The following RNF130 variants were observed in gnomAD, a reference collection of about 807,000 sequenced individuals.
RNF130 encodes E3 ubiquitin-protein ligase RNF130.
RNF130 carries 21 observed loss-of-function variants against 44.6 expected under a neutral mutation model. That is an observed-to-expected ratio of 0.47 (90% CI 0.33 to 0.68). The LOEUF is 0.68. Among genes scored for constraint, RNF130 ranks in the 30% least tolerant of loss-of-function variants. The pLI is 0.02. For synonymous variants in RNF130, 214 were observed against 210.4 expected (o/e 1.02, Z -0.15); for missense variants, 479 against 560.6 (o/e 0.85, Z 1.47).
At chr5:179,933,398 T>TTGTTTGTGTGTGTG (rs1554100040) in intron 7 of RNF130, among the ~76,000 whole-genome samples, 30 of 143,504 alleles carry the variant, frequency 2.1e-4, no homozygotes, top group African/African-American at 7.8e-4. Flanking sequence ...ATAACCCTAT[T>TTGTTTGTGTGTGTG]TGTGTGTGTG....
At position 180,044,839 on chromosome 5, in the gene RNF130, AAAAAT is replaced by A. The variant is rs546127301; in HGVS notation, c.248-4197_248-4193del. 4.3e-3 allele frequency among the ~76,000 whole-genome samples: 650 copies of A among 152,186 alleles called. 7 individuals carry two copies. Among genetic ancestry groups the A allele is most frequent in the African/African-American group, 0.015 (619 of 41,508 alleles). On this transcript the variant is annotated intron_variant, in intron 1 of 8. Transcript: ENST00000521389. ...GGAAGTAGACTCCGTCTCAAAAAAAAAAAATAAAAGCCTCCACATTCACTGAGGCA... is the reference window on the plus strand; with the variant it reads ...GGAAGTAGACTCCGTCTCAAAAAAAAAAAAGCCTCCACATTCACTGAGGCA...
chr5:180,004,016 A>G (rs1437352955), intron 3 of RNF130, among the ~76,000 whole-genome samples: 1 of 152,222 alleles, frequency 6.6e-6, no homozygotes, highest in Non-Finnish European at 1.5e-5. Flanking sequence ...GAAAAGAACT[A>G]TAATATCCCA....
At chr5:180,068,181 G>A (rs1028813204) in intron 1 of RNF130, among the ~76,000 whole-genome samples, 2 of 152,140 alleles carry the variant, frequency 1.3e-5, no homozygotes, top group African/African-American at 4.8e-5. Context: ...CCCCCACTCT[G>A]GGGCCAAACA....
intron 1 of RNF130, among the ~76,000 whole-genome samples, chr5:180,047,613 G>GTAGGCCTGTAATCC (rs1227880243): frequency 6.6e-6 from 1 of 152,110 alleles, no homozygotes; most frequent in Non-Finnish European, 1.5e-5. Flanking sequence ...GGCGTGGTGT[G>GTAGGCCTGTAATCC]TAGGCCTGTA....
intron 7 of RNF130, among the ~76,000 whole-genome samples, chr5:179,943,772 C>T (rs539063676): frequency 2.2e-4 from 34 of 152,224 alleles, no homozygotes; most frequent in African/African-American, 7.5e-4. Context: ...ATGATTAAAC[C>T]GCAAAGTATA....
Position 179,965,081 on chromosome 5 carries a change from C to T in RNF130, c.1151-1517G>A, listed in dbSNP as rs533496842. ...ATATGCAGACTACCTTGTAGAACTT[C>T]GTCACATCTATGCTTCCAAATTCTG... On this transcript the variant is annotated intron_variant, in intron 7 of 8. Coordinates refer to ENST00000521389, the MANE Select transcript of RNF130 (RefSeq NM_018434.6). 1.1e-3 allele frequency among the ~76,000 whole-genome samples: 175 copies of T among 152,306 alleles called. 1 individual carries two copies. Among genetic ancestry groups the T allele is most frequent in the African/African-American group, 4.0e-3 (167 of 41,562 alleles).
At chr5:180,041,916 A>T (rs1348109598) in intron 1 of RNF130, among the ~76,000 whole-genome samples, 2 of 152,136 alleles carry the variant, frequency 1.3e-5, no homozygotes, top group Non-Finnish European at 2.9e-5. Flanking sequence ...AAATACAAAA[A>T]AATTAGCTGG....
intron 3 of RNF130, among the ~76,000 whole-genome samples, chr5:179,997,665 C>T (rs907521418): frequency 2.0e-5 from 3 of 151,962 alleles, no homozygotes; most frequent in African/African-American, 7.3e-5. Context: ...TGGGGTTTTG[C>T]CATGTTACCC....
intron 3 of RNF130, among the ~76,000 whole-genome samples, chr5:180,012,514 T>G (rs1394054199): frequency 6.6e-6 from 1 of 152,144 alleles, no homozygotes; most frequent in Non-Finnish European, 1.5e-5. Context: ...CCAAAATAGA[T>G]GCGCTGTCAG....
At chr5:179,950,374 C>T (rs1762107963), downstream of RNF130, among the ~76,000 whole-genome samples, 1 of 152,174 alleles carries the variant, frequency 6.6e-6, no homozygotes, top group African/African-American at 2.4e-5. Flanking sequence ...GCCTCAGCCT[C>T]CCAAAGTGTT....
intron 1 of RNF130, among the ~76,000 whole-genome samples, chr5:180,041,632 G>A (rs974331416): frequency 2.6e-5 from 4 of 152,208 alleles, no homozygotes; most frequent in African/African-American, 9.6e-5. Context: ...GTCACCAAAG[G>A]TAGAGTCTGC....
chr5:180,058,683 G>A (rs1286769554), intron 1 of RNF130, among the ~76,000 whole-genome samples: 2 of 152,048 alleles, frequency 1.3e-5, no homozygotes, highest in Non-Finnish European at 2.9e-5. Flanking sequence ...AGCCTCCTGA[G>A]TAGCTGAGAC....
At chr5:180,000,140 TCACCCCCA>T (rs1293166950) in intron 3 of RNF130, among the ~76,000 whole-genome samples, 4 of 152,250 alleles carry the variant, frequency 2.6e-5, no homozygotes, top group Non-Finnish European at 4.4e-5. Context: ...AAAGACTATT[TCACCCCCA>T]TTTCTGAAGG....
chr5:180,058,117 T>C (rs1435142171), intron 1 of RNF130, among the ~76,000 whole-genome samples: 3 of 152,070 alleles, frequency 2.0e-5, no homozygotes, highest in Admixed American at 2.0e-4. Flanking sequence ...TAAACTACGG[T>C]GTCAAAGCGA....
At chr5:180,021,823 T>C (rs1582196782) in intron 2 of RNF130, among the ~76,000 whole-genome samples, 1 of 152,176 alleles carries the variant, frequency 6.6e-6, no homozygotes, top group Non-Finnish European at 1.5e-5. Context: ...GATGTGTCAC[T>C]GCCATCCAAT....
chr5:180,034,591 G>T (rs145905584), intron 2 of RNF130, among the ~76,000 whole-genome samples: 3 of 151,480 alleles, frequency 2.0e-5, no homozygotes, highest in African/African-American at 7.3e-5. Context: ...TTAGGAATTT[G>T]TTCATCTAAG....
rs1017425777 is a variant in RNF130 at position 180,047,103 on chromosome 5, C to T, written c.248-6456G>A. ...AAATAAAAATGAGACTAATTAGTTA[C>T]CCCGGATTTAGATTCCTCCATTGTC... On this transcript the variant is annotated intron_variant, in intron 1 of 8. Transcript: ENST00000521389. Among the ~76,000 whole-genome samples, 4 of 152,140 alleles carry T rather than the reference C, an allele frequency of 2.6e-5. No individual in the cohort carries two copies. In the East Asian group the frequency reaches 7.7e-4, roughly 29 times the overall value.
At chr5:179,926,040 G>A (rs1038130313) in intron 7 of RNF130, among the ~76,000 whole-genome samples, 4 of 152,144 alleles carry the variant, frequency 2.6e-5, no homozygotes, top group South Asian at 2.1e-4. Context: ...GCTCAGTGAC[G>A]CTACCCATAC....
At chr5:180,068,970 T>C (rs1352645726) in intron 1 of RNF130, among the ~76,000 whole-genome samples, 1 of 152,224 alleles carries the variant, frequency 6.6e-6, no homozygotes, top group African/African-American at 2.4e-5. Context: ...GTCATAAAGA[T>C]GCACTATTTT....
Sources: allele counts gnomAD v4.1 joint callset (sites outside exome capture counted in the v4.1 genomes callset), GRCh38; gene constraint gnomAD v4.1.1; transcripts MANE v1.5; gene names NCBI Gene and HGNC (gene_info 2026-07-23, HGNC 2026-07-21).